PCDH9: variants seen among roughly 807,000 people sequenced by gnomAD.
PCDH9 encodes the protein protocadherin-9.
Under a neutral mutation model 70.6 loss-of-function variants are expected in PCDH9, and 24 were observed. That is an observed-to-expected ratio of 0.34 (90% CI 0.25 to 0.48). The LOEUF (loss-of-function observed/expected upper bound fraction) is 0.48. Ranked by LOEUF, PCDH9 falls within the 20% of genes least tolerant of loss-of-function variation. The pLI, the probability that PCDH9 is intolerant of heterozygous loss-of-function variation, is 0.99. For synonymous variants in PCDH9, 562 were observed against 558.5 expected (o/e 1.01, Z -0.09); for missense variants, 1,281 against 1,503.6 (o/e 0.85, Z 2.45).
intron 4 of PCDH9, among the ~76,000 whole-genome samples, chr13:66,553,530 A>C (rs1205216302): frequency 6.6e-6 from 1 of 152,196 alleles, no homozygotes; most frequent in East Asian, 1.9e-4. Context: ...AAACAGAGCA[A>C]ATACTCCACT....
In PCDH9 at chr13:66,773,105, C is replaced by A. The variant is rs567711110; in HGVS notation, c.3138+130399G>T. Among the ~76,000 whole-genome samples the A allele has an allele frequency of 1.1e-3, 167 of 152,314 alleles. 1 individual carries two copies. The highest frequency in any genetic ancestry group is 2.1e-4 in the South Asian group (1 of 4,826). ...TTCAACTACGTGACCGATCCTAAGT[C>A]AGCCAGCCGGTGTGTCTTTCATGTA... is the stretch of plus-strand genomic sequence containing the variant. On this transcript the variant is annotated intron_variant, in intron 3 of 4. Transcript: ENST00000377865.
intron 2 of PCDH9, chr13:67,207,280 T>A (rs2089373728): frequency 6.6e-6 from 1 of 152,142 alleles, no homozygotes; most frequent in Non-Finnish European, 1.5e-5. Context: ...TGTATAAAAG[T>A]TCCATGATAG....
intron 4 of PCDH9, among the ~76,000 whole-genome samples, chr13:66,312,461 A>G (rs758866996): frequency 3.4e-4 from 52 of 152,054 alleles, no homozygotes; most frequent in East Asian, 1.9e-4. Flanking sequence ...AAATACAAAT[A>G]TTAGCCAGGC....
intron 3 of PCDH9, among the ~76,000 whole-genome samples, chr13:66,902,497 T>G (rs995527282): frequency 1.6e-4 from 24 of 151,704 alleles, no homozygotes; most frequent in South Asian, 4.1e-4. Flanking sequence ...TTTTTTTTAC[T>G]AATCATGATT....
At chr13:66,333,258 T>G (rs1955974654) in intron 4 of PCDH9, among the ~76,000 whole-genome samples, 1 of 152,106 alleles carries the variant, frequency 6.6e-6, no homozygotes, top group Non-Finnish European at 1.5e-5. Flanking sequence ...TGTCAAAGGA[T>G]ACGATGGAGA....
At chr13:67,024,706 T>C (rs1240790403) in intron 2 of PCDH9, among the ~76,000 whole-genome samples, 1 of 152,118 alleles carries the variant, frequency 6.6e-6, no homozygotes, top group Non-Finnish European at 1.5e-5. Flanking sequence ...GGGCTTTATT[T>C]ATGGTGTTAT....
intron 2 of PCDH9, among the ~76,000 whole-genome samples, chr13:67,004,910 CTT>C (rs2084320877): frequency 6.6e-6 from 1 of 151,988 alleles, no homozygotes; most frequent in South Asian, 2.1e-4. Flanking sequence ...TCCAAGCAAT[CTT>C]TAAATTTTTC....
At position 66,707,180 on chromosome 13, in the gene PCDH9, C is replaced by T. The variant is rs187738308; in HGVS notation, c.3139-75769G>A. Among the ~76,000 whole-genome samples the T allele has an allele frequency of 2.1e-3, 323 of 152,260 alleles. 2 individuals are homozygous for T. The highest frequency in any genetic ancestry group is 3.4e-3 in the Non-Finnish European group (232 of 68,020). ...TAGCATGGTCATACTTGGTCCTTAA[C>T]CATAACATGTAGCAATAACATGGTC... On this transcript the variant is annotated intron_variant, in intron 3 of 4. Transcript: ENST00000377865.
chr13:67,095,349 A>G (rs1193781237), intron 2 of PCDH9, among the ~76,000 whole-genome samples: 2 of 152,196 alleles, frequency 1.3e-5, no homozygotes, highest in African/African-American at 4.8e-5. Flanking sequence ...AAGTCATAGA[A>G]TATCTAAAAA....
intron 2 of PCDH9, among the ~76,000 whole-genome samples, chr13:67,188,130 G>C (rs1310898747): frequency 1.3e-5 from 2 of 152,042 alleles, no homozygotes; most frequent in African/African-American, 4.8e-5. Flanking sequence ...TTGACTAATA[G>C]AGCATTCAGG....
intron 4 of PCDH9, among the ~76,000 whole-genome samples, chr13:66,424,012 A>G (rs968790855): frequency 6.6e-6 from 1 of 152,178 alleles, no homozygotes; most frequent in Non-Finnish European, 1.5e-5. Context: ...AAAAATCACA[A>G]GCATTCGTAT....
chr13:66,504,745 G>A (rs1435079929), intron 4 of PCDH9, among the ~76,000 whole-genome samples: 2 of 152,308 alleles, frequency 1.3e-5, no homozygotes, highest in South Asian at 2.1e-4. Context: ...GGGGTGGATT[G>A]ATGAATGCTA....
At chr13:66,653,180 G>A (rs2077877248) in intron 3 of PCDH9, among the ~76,000 whole-genome samples, 1 of 152,070 alleles carries the variant, frequency 6.6e-6, no homozygotes, top group African/African-American at 2.4e-5. Context: ...TCACAGCAAA[G>A]GAAAGTCTGT....
At chr13:67,034,635 T>A (rs559582151) in intron 2 of PCDH9, among the ~76,000 whole-genome samples, 209 of 152,058 alleles carry the variant, frequency 1.4e-3, no homozygotes, top group Non-Finnish European at 2.4e-3. Flanking sequence ...CATGTTTTGG[T>A]CTATGCTTTT....
chr13:66,351,843 TTTTC>T (rs1428249750), intron 4 of PCDH9, among the ~76,000 whole-genome samples: 7 of 114,850 alleles, frequency 6.1e-5, no homozygotes, highest in East Asian at 3.2e-4. Context: ...TTTTCTTTTC[TTTTC>T]TTTTTTTTTA....
intron 4 of PCDH9, among the ~76,000 whole-genome samples, chr13:66,491,745 G>A (rs948911002): frequency 2.6e-5 from 4 of 152,038 alleles, no homozygotes; most frequent in Non-Finnish European, 5.9e-5. Flanking sequence ...CTCATAGAAA[G>A]GTAAGTTTTT....
At chr13:67,181,613 G>C (rs2985923) in intron 2 of PCDH9, among the ~76,000 whole-genome samples, 1 of 151,946 alleles carries the variant, frequency 6.6e-6, no homozygotes. Flanking sequence ...ATCCTAAACA[G>C]GGAAAGAATT....
At position 66,437,279 on chromosome 13, in the gene PCDH9, C is replaced by T. The variant is rs764803074; in HGVS notation, c.3341-132251G>A. 7.9e-5 allele frequency among the ~76,000 whole-genome samples: 12 copies of T among 151,098 alleles called. 1 individual carries two copies. The Middle Eastern group carries it at 0.014, about 172-fold the overall frequency. ...AACATTAGCCGGGCGTGGTGGCGGG[C>T]GCCTGTAGTCCCAGCTACTCAGGAG... On this transcript the variant is annotated intron_variant, in intron 4 of 4. Coordinates refer to ENST00000377865, the MANE Select transcript of PCDH9 (RefSeq NM_203487.3).
chr13:66,853,862 A>T (rs1239756529), intron 3 of PCDH9, among the ~76,000 whole-genome samples: 2 of 152,126 alleles, frequency 1.3e-5, no homozygotes, highest in Admixed American at 1.3e-4. Context: ...AGCACATGCC[A>T]CCACACCCAG....
Sources: allele counts gnomAD v4.1 joint callset (sites outside exome capture counted in the v4.1 genomes callset), GRCh38; gene constraint gnomAD v4.1.1; transcripts MANE v1.5; gene names NCBI Gene and HGNC (gene_info 2026-07-23, HGNC 2026-07-21).